The following ZFP64 variants were observed in gnomAD, a reference collection of about 807,000 sequenced individuals.
The protein encoded by ZFP64 is zinc finger protein 64.
Under a neutral mutation model 51.6 loss-of-function variants are expected in ZFP64, and 14 were observed. The ratio of observed to expected loss-of-function variants is 0.27; its 90% CI spans 0.18 to 0.42. ZFP64 has a LOEUF of 0.42. ZFP64 is among the 10% of genes least tolerant of loss of function. The probability of loss-of-function intolerance (pLI) is 1.00; values close to 1 mark genes in which losing one functional copy is unlikely to be tolerated. For missense variants in ZFP64, 754 were observed against 906.8 expected (o/e 0.83, Z 2.16); for synonymous variants, 375 against 361.4 (o/e 1.04, Z -0.43).
At chr20:52,169,402 TC>T (rs1276769598) in intron 2 of ZFP64, among the ~76,000 whole-genome samples, 3 of 152,166 alleles carry the variant, frequency 2.0e-5, no homozygotes, top group Non-Finnish European at 4.4e-5. Flanking sequence ...CTCCCAACCT[TC>T]TGCTCTACAA....
In ZFP64 at chr20:52,152,169, G is replaced by C; in HGVS notation, c.2023C>G (p.Pro675Ala). Residue 675 changes from proline (P) to alanine (A), a missense_variant, in exon 6 of 6, where the codon CCC becomes GCC. Pro to Ala is a conservative substitution (Grantham distance 27, BLOSUM62 -1). Transcript: ENST00000216923. ...QGAAHPALLC[P>A]ADSIPD is the part of the protein sequence containing the mutation. ...CACTAATCTGGAATGGAGTCGGCGG[G>C]ACAGAGCAAAGCTGGATGGGCTGCC... 6.2e-7 allele frequency: 1 copy of C among 1,614,086 alleles called. No homozygotes were observed. Among genetic ancestry groups the C allele is most frequent in the Non-Finnish European group, 8.5e-7 (1 of 1,179,972 alleles).
chr20:52,160,214 G>A lies in ZFP64; in HGVS notation c.672C>T (p.Ile224=). Residue 224 remains isoleucine (I), a synonymous_variant, in exon 5 of 6, where the codon ATC becomes ATT. Coordinates refer to ENST00000216923, the MANE Select transcript of ZFP64 (RefSeq NM_018197.3). This position sits in a 1 kb window ranked among gnomAD's most constrained non-coding sequence, Gnocchi z 4.2. The stretch of plus-strand genomic sequence containing the variant: ...ATTTGAAGGGCCGCTCGTCCGAGTG[G>A]ATCCTCAGGTGCTTGTTGAGGCTGC... ...DSSSLNKHLR[I]HSDERPFKCQ... The A allele has an allele frequency of 6.2e-7, 1 of 1,614,194 alleles. No individual in the cohort carries two copies. Among genetic ancestry groups the A allele is most frequent in the Non-Finnish European group, 8.5e-7 (1 of 1,180,040 alleles).
intron 7 of ZFP64, among the ~76,000 whole-genome samples, chr20:52,094,478 T>TG (rs200779988): frequency 3.3e-5 from 5 of 152,028 alleles, no homozygotes; most frequent in Non-Finnish European, 7.4e-5. Flanking sequence ...AATATAGGGC[T>TG]GGGGGGGAAG....
At chr20:52,182,276 T>G (rs991839650) in intron 2 of ZFP64, among the ~76,000 whole-genome samples, 1 of 152,180 alleles carries the variant, frequency 6.6e-6, no homozygotes, top group Non-Finnish European at 1.5e-5. Flanking sequence ...CCTTCAGCAC[T>G]GTGCAGGGGA....
intron 5 of ZFP64, among the ~76,000 whole-genome samples, chr20:52,127,737 GAC>G (rs146095909): frequency 0.014 from 2,151 of 152,286 alleles, 43 homozygotes; most frequent in African/African-American, 0.049. Context: ...ATTTTACAAA[GAC>G]AAATCCTTTT....
At chr20:52,092,286 A>G (rs1422503097) in intron 7 of ZFP64, among the ~76,000 whole-genome samples, 2 of 152,206 alleles carry the variant, frequency 1.3e-5, no homozygotes, top group Non-Finnish European at 2.9e-5. Flanking sequence ...GTTTATCGGC[A>G]TCCCTGGCCT....
At chr20:52,112,462 C>T (rs1238059062) in intron 5 of ZFP64, among the ~76,000 whole-genome samples, 1 of 152,172 alleles carries the variant, frequency 6.6e-6, no homozygotes, top group Non-Finnish European at 1.5e-5. Flanking sequence ...TGCAGAATTC[C>T]CATGCTTTCA....
At chr20:52,142,386 A>ACACACGCG (rs1555804637) in intron 5 of ZFP64, among the ~76,000 whole-genome samples, 2 of 141,868 alleles carry the variant, frequency 1.4e-5, no homozygotes, top group African/African-American at 5.6e-5. Flanking sequence ...AGACACACAC[A>ACACACGCG]CACACACACA....
intron 5 of ZFP64, chr20:52,105,468 G>A: frequency 1.2e-6 from 1 of 804,802 alleles, no homozygotes; most frequent in Non-Finnish European, 1.7e-6. Context: ...CGCGCCACCT[G>A]GGAGCTCGTT....
chr20:52,147,325 C>G (rs373805603), downstream of ZFP64, among the ~76,000 whole-genome samples: 8 of 152,052 alleles, frequency 5.3e-5, no homozygotes, highest in East Asian at 1.9e-4. Context: ...TAAGTGAAAA[C>G]TGGAGTGGAA....
intron 5 of ZFP64, among the ~76,000 whole-genome samples, chr20:52,106,665 C>T (rs909181328): frequency 3.3e-5 from 5 of 152,134 alleles, no homozygotes; most frequent in Admixed American, 1.3e-4. Flanking sequence ...TGTGAATCGA[C>T]TTGGGAATAT....
intron 5 of ZFP64, among the ~76,000 whole-genome samples, chr20:52,113,592 C>CTTTTTTTTT (rs61331317): frequency 7.9e-6 from 1 of 126,954 alleles, no homozygotes; most frequent in African/African-American, 2.9e-5. Context: ...CCATACCTGG[C>CTTTTTTTTT]TTTTTTTTTT....
In ZFP64 at chr20:52,151,937, T is replaced by G; in HGVS notation, c.*209A>C. On this transcript the variant is annotated 3_prime_UTR_variant, in exon 6 of 6. Coordinates refer to ENST00000216923, the MANE Select transcript of ZFP64 (RefSeq NM_018197.3). ...CTGTGGTCCCAGCTACTCGGAGGGC[T>G]GAGGCATGAGAATCGCTTGAACCTG... The G allele has an allele frequency of 8.5e-7, 1 of 1,174,446 alleles. No individual in the cohort carries two copies. Among genetic ancestry groups the G allele is most frequent in the Non-Finnish European group, 1.1e-6 (1 of 878,546 alleles). 72.8% of individuals were successfully genotyped at this position (1,174,446 alleles called of 1,614,324 possible). A position where few individuals can be genotyped will look rare whatever the true frequency, so the allele number is the denominator to read the frequency against.
intron 1 of ZFP64, among the ~76,000 whole-genome samples, chr20:52,189,579 G>A (rs983036011): frequency 2.0e-5 from 3 of 151,028 alleles, no homozygotes; most frequent in Non-Finnish European, 2.9e-5. Flanking sequence ...AGGTTCAAGC[G>A]ATTCTCCTGC....
intron 5 of ZFP64, among the ~76,000 whole-genome samples, chr20:52,126,447 A>T (rs977705523): frequency 6.6e-6 from 1 of 152,160 alleles, no homozygotes; most frequent in Non-Finnish European, 1.5e-5. Flanking sequence ...ACTACAACTC[A>T]GGCTTAAAAG....
intron 7 of ZFP64, among the ~76,000 whole-genome samples, chr20:52,092,259 C>T (rs1262496411): frequency 6.6e-6 from 1 of 152,216 alleles, no homozygotes; most frequent in Non-Finnish European, 1.5e-5. Flanking sequence ...TTGGTGCTTT[C>T]CTCTGCATTG....
chr20:52,155,264 G>A (rs886348810), intron 5 of ZFP64, among the ~76,000 whole-genome samples: 12 of 152,138 alleles, frequency 7.9e-5, no homozygotes, highest in African/African-American at 2.4e-4. Context: ...TTCCGCTGGC[G>A]ACAACTTTAC....
chr20:52,156,417 C>T (rs1022766619), intron 5 of ZFP64, among the ~76,000 whole-genome samples: 6 of 152,332 alleles, frequency 3.9e-5, no homozygotes, highest in African/African-American at 1.2e-4. Flanking sequence ...CATGACCATG[C>T]GGTCAATCCT....
In ZFP64 at chr20:52,130,983, G is replaced by A. The variant is rs575076663; in HGVS notation, c.763+29140C>T. On this transcript the variant is annotated intron_variant, in intron 5 of 8. Coordinates refer to the ZFP64 transcript ENST00000361387. ...CAGGAGGCTGAAGCAGGAGTATGGC[G>A]TGAACCTGGGAGGCAGAGCTTGCAG... Among the ~76,000 whole-genome samples the A allele has an allele frequency of 8.6e-5, 13 of 152,004 alleles. No homozygotes were observed. In the East Asian group the frequency reaches 1.9e-3, roughly 23 times the overall value.
Sources: allele counts gnomAD v4.1 joint callset (sites outside exome capture counted in the v4.1 genomes callset), GRCh38; gene constraint gnomAD v4.1.1; non-coding constraint Gnocchi (gnomAD v3.1); transcripts MANE v1.5; gene names NCBI Gene and HGNC (gene_info 2026-07-23, HGNC 2026-07-21).